Variants in PAPSS1 observed in about 807,000 individuals in gnomAD.
PAPSS1 encodes 3'-phosphoadenosine 5'-phosphosulfate synthase 1, also known as bifunctional 3'-phosphoadenosine 5'-phosphosulfate synthase 1.
PAPSS1 carries 50 observed loss-of-function variants against 72.0 expected under a neutral mutation model. The ratio of observed to expected loss-of-function variants is 0.69; its 90% CI spans 0.55 to 0.88. The LOEUF is 0.88. Ranked by LOEUF, PAPSS1 falls within the 40% of genes least tolerant of loss-of-function variation. PAPSS1 has a pLI of 0.00. For synonymous variants in PAPSS1, 261 were observed against 263.6 expected (o/e 0.99, Z 0.09); for missense variants, 657 against 782.2 (o/e 0.84, Z 1.91).
intron 1 of PAPSS1, among the ~76,000 whole-genome samples, chr4:107,707,683 A>G (rs1723373976): frequency 6.6e-6 from 1 of 152,040 alleles, no homozygotes; most frequent in Non-Finnish European, 1.5e-5. Flanking sequence ...ACTCTCTTCA[A>G]TGTGTTTTTT....
At chr4:107,672,380 T>A (rs1727508311) in intron 5 of PAPSS1, among the ~76,000 whole-genome samples, 4 of 152,186 alleles carry the variant, frequency 2.6e-5, no homozygotes, top group Non-Finnish European at 5.9e-5. Flanking sequence ...ATGCCGCACT[T>A]TTCCAACGGT....
intron 5 of PAPSS1, among the ~76,000 whole-genome samples, chr4:107,675,387 T>C (rs1323915760): frequency 6.6e-6 from 1 of 152,090 alleles, no homozygotes; most frequent in Admixed American, 6.5e-5. Context: ...CAAACTACCA[T>C]CAGAGAATAC....
chr4:107,660,219 A>C, intron 5 of PAPSS1, 147 bp from the exon 6 acceptor site: 2 of 548,426 alleles, frequency 3.6e-6, no homozygotes, highest in Non-Finnish European at 6.4e-6. Context: ...CTCAACCAAT[A>C]CTCTCAAGCA....
intron 5 of PAPSS1, among the ~76,000 whole-genome samples, chr4:107,680,819 A>G (rs1243337808): frequency 6.6e-6 from 1 of 152,166 alleles, no homozygotes; most frequent in Non-Finnish European, 1.5e-5. Context: ...GAAACCTAGA[A>G]GGCAGAGATG....
At chr4:107,678,721 G>T (rs1030607790) in intron 5 of PAPSS1, among the ~76,000 whole-genome samples, 2 of 152,132 alleles carry the variant, frequency 1.3e-5, no homozygotes, top group African/African-American at 4.8e-5. Context: ...GCATGCCTAT[G>T]GCAGGTGCTC....
intron 4 of PAPSS1, 75 bp downstream of exon 4, chr4:107,686,964 T>C: frequency 7.4e-7 from 1 of 1,359,246 alleles, no homozygotes; most frequent in Non-Finnish European, 1.0e-6. Context: ...TCCAATCTCT[T>C]AGAAAATATC....
At chr4:107,700,721 C>T (rs1344635776) in intron 2 of PAPSS1, among the ~76,000 whole-genome samples, 2 of 152,198 alleles carry the variant, frequency 1.3e-5, no homozygotes, top group African/African-American at 4.8e-5. Context: ...TGCTGTATTA[C>T]AAACATAGCA....
rs139135518 is a variant in PAPSS1 at position 107,671,301 on chromosome 4, T to C, written c.669+10714A>G. ...AAAAACTTAAAATTATCTTCCTCCC[T>C]GAAGAAAAAAAAAGAGCCTACACGT... On this transcript the variant is annotated intron_variant, in intron 5 of 11. Coordinates refer to ENST00000265174, the MANE Select transcript of PAPSS1 (RefSeq NM_005443.5). Among the ~76,000 whole-genome samples the C allele has an allele frequency of 2.7e-5, 4 of 146,192 alleles. No homozygotes were observed. In the East Asian group the frequency reaches 7.9e-4, roughly 29 times the overall value.
intron 10 of PAPSS1, among the ~76,000 whole-genome samples, chr4:107,633,850 C>T (rs544264388): frequency 1.2e-4 from 17 of 139,606 alleles, no homozygotes; most frequent in East Asian, 8.7e-4. Flanking sequence ...ACCCGGGAGG[C>T]GGAGCTTGCA....
chr4:107,634,817 T>TTTTTG, intron 10 of PAPSS1, among the ~76,000 whole-genome samples: 1 of 147,288 alleles, frequency 6.8e-6, no homozygotes, highest in Non-Finnish European at 1.5e-5. Context: ...TTTTTTTTTT[T>TTTTTG]GAGATGGAGT....
In PAPSS1 at chr4:107,615,983, C is replaced by A. The variant is rs571234726; in HGVS notation, c.1737-1596G>T. On this transcript the variant is annotated intron_variant, in intron 11 of 11. Transcript: ENST00000265174. ...ATCTTGGACTTCCCAACCTCTAGAA[C>A]TGTGAGAAATAAATGTTTGTCATCT... 3.9e-5 allele frequency among the ~76,000 whole-genome samples: 6 copies of A among 152,262 alleles called. No individual in the cohort carries two copies. In the South Asian group the frequency reaches 8.3e-4, roughly 21 times the overall value.
At chr4:107,640,891 G>T (rs1179932618) in intron 10 of PAPSS1, among the ~76,000 whole-genome samples, 1 of 152,106 alleles carries the variant, frequency 6.6e-6, no homozygotes, top group Non-Finnish European at 1.5e-5. Flanking sequence ...CAGCTTTAAC[G>T]TGCCTCTTAG....
intron 3 of PAPSS1, among the ~76,000 whole-genome samples, chr4:107,692,983 C>T (rs1251687508): frequency 6.6e-6 from 1 of 152,024 alleles, no homozygotes; most frequent in Non-Finnish European, 1.5e-5. Context: ...ACAACACACA[C>T]TGATGACTGT....
chr4:107,628,837 C>A (rs1315457226), intron 11 of PAPSS1, among the ~76,000 whole-genome samples: 1 of 152,132 alleles, frequency 6.6e-6, no homozygotes, highest in Non-Finnish European at 1.5e-5. Flanking sequence ...GGAAACAGGG[C>A]AGAGAAGACA....
Position 107,720,193 on chromosome 4 carries a change from G to A in PAPSS1, c.-14C>T. The A allele has an allele frequency of 6.3e-7, 1 of 1,599,642 alleles. No homozygotes were observed. The highest frequency in any genetic ancestry group is 8.5e-7 in the Non-Finnish European group (1 of 1,174,428). On this transcript the variant is annotated 5_prime_UTR_variant, in exon 1 of 12. Coordinates refer to ENST00000265174, the MANE Select transcript of PAPSS1 (RefSeq NM_005443.5). ...GGGGATCTCCATGACCGCGGAGCGC[G>A]CTGAGCAGCCGGGGTTCTCTGCGCC...
chr4:107,705,305 T>C (rs1723313216), intron 1 of PAPSS1, among the ~76,000 whole-genome samples: 1 of 152,210 alleles, frequency 6.6e-6, no homozygotes, highest in African/African-American at 2.4e-5. Flanking sequence ...GGGAGCGACA[T>C]GGTAGGAGGT....
intron 4 of PAPSS1, among the ~76,000 whole-genome samples, chr4:107,683,985 T>TACAG (rs1560584101): frequency 1.3e-5 from 2 of 150,778 alleles, no homozygotes; most frequent in African/African-American, 2.5e-5. Context: ...CAAACACACA[T>TACAG]TAACCTAAGG....
At position 107,654,775 on chromosome 4, in the gene PAPSS1, G is replaced by C; in HGVS notation, c.1021C>G (p.Pro341Ala). 1 of 1,613,932 alleles carries C rather than the reference G, an allele frequency of 6.2e-7. No individual in the cohort carries two copies. Among genetic ancestry groups the C allele is most frequent in the African/African-American group, 1.3e-5 (1 of 75,004 alleles). The part of the protein sequence containing the change: ...EGRRVAILRN[P>A]EFFEHRKEER... ...TCTTTCCTGTGCTCAAAAAACTCTG[G>C]ATTGCGAAGAATGGCCACACGGCGG... Residue 341 changes from proline (P) to alanine (A), a missense_variant, in exon 8 of 12, where the codon CCA (proline) becomes GCA (alanine). By Grantham distance (27) the Pro-to-Ala change is conservative. Transcript: ENST00000265174.
rs530224957 is a variant in PAPSS1, at chr4:107,706,187, C to T, written c.61-4902G>A. 6.6e-5 allele frequency among the ~76,000 whole-genome samples: 10 copies of T among 152,210 alleles called. No individual in the cohort carries two copies. The East Asian group carries it at 1.3e-3, about 21-fold the overall frequency. ...CTTCCTGTACTTATTTATACCTTTCCCCAGATTTGGAAAGTTTTCTGTTGT... is the reference window on the plus strand; with the variant it reads ...CTTCCTGTACTTATTTATACCTTTCTCCAGATTTGGAAAGTTTTCTGTTGT... On this transcript the variant is annotated intron_variant, in intron 1 of 11. Coordinates refer to ENST00000265174, the MANE Select transcript of PAPSS1 (RefSeq NM_005443.5).
Sources: gnomAD v4.1 joint callset for allele counts (sites outside exome capture counted in the v4.1 genomes callset) on GRCh38, gnomAD v4.1.1 for gene constraint, MANE v1.5 for transcripts, NCBI Gene and HGNC (gene_info 2026-07-23, HGNC 2026-07-21) for gene names.